The following BRF1 variants were observed in gnomAD, a reference collection of about 807,000 sequenced individuals.
BRF1 encodes transcription factor IIIB 90 kDa subunit.
A neutral mutation model predicts 81.7 loss-of-function variants in BRF1; 59 were observed. That is an observed-to-expected ratio of 0.72 (90% confidence interval 0.59 to 0.90). The LOEUF (loss-of-function observed/expected upper bound fraction) is 0.90, where lower values mean the gene tolerates loss of function less well. Ranked by LOEUF, BRF1 falls within the 40% of genes least tolerant of loss-of-function variation. BRF1 has a pLI of 0.00. For missense variants in BRF1, 1,050 were observed against 936.3 expected, an observed-to-expected ratio of 1.12 and a Z score of -1.58; for synonymous variants, 491 against 395.6, an observed-to-expected ratio of 1.24 and a Z score of -2.86.
intron 3 of BRF1, among the ~76,000 whole-genome samples, chr14:105,261,180 G>A (rs887552450): frequency 2.0e-5 from 3 of 152,236 alleles, no homozygotes; most frequent in Non-Finnish European, 2.9e-5. Context: ...ACGCTGTGCC[G>A]GGTGGTCTTC....
chr14:105,254,361 A>T (rs866770698), intron 4 of BRF1, among the ~76,000 whole-genome samples: 2 of 152,018 alleles, frequency 1.3e-5, no homozygotes, highest in Non-Finnish European at 2.9e-5. Context: ...GGTTCACGTC[A>T]TTCTCCTGCC....
Position 105,211,507 on chromosome 14 carries a change from G to C in BRF1, c.1825-214C>G. ...TGTCAGCATCAAGATCCCACCCTCAGGCCTCTGCCAGCCCCTGCTCCTGTA... is the reference window on the plus strand; with the variant it reads ...TGTCAGCATCAAGATCCCACCCTCACGCCTCTGCCAGCCCCTGCTCCTGTA... On this transcript the variant is annotated intron_variant, in intron 16 of 17. Coordinates refer to ENST00000547530, the MANE Select transcript of BRF1 (RefSeq NM_001519.4). The C allele has an allele frequency of 7.1e-6, 4 of 560,548 alleles. No homozygotes were observed. The South Asian group carries it at 9.4e-5, about 13-fold the overall frequency. The allele number at this position is 560,548 out of a possible 1,614,324, so 34.7% of individuals were successfully genotyped here.
At chr14:105,253,125 C>T (rs2055698198) in intron 4 of BRF1, among the ~76,000 whole-genome samples, 1 of 152,242 alleles carries the variant, frequency 6.6e-6, no homozygotes, top group African/African-American at 2.4e-5. Flanking sequence ...GGAGGTGAGG[C>T]CCAGACCGAG....
chr14:105,287,290 A>G (rs2057349714), intron 1 of BRF1, among the ~76,000 whole-genome samples: 1 of 152,206 alleles, frequency 6.6e-6, no homozygotes, highest in East Asian at 1.9e-4. Flanking sequence ...TCTCCCAATG[A>G]GCATGGTGGA....
upstream of BRF1, among the ~76,000 whole-genome samples, chr14:105,304,189 A>C (rs1403427112): frequency 6.6e-6 from 1 of 152,094 alleles, no homozygotes; most frequent in Non-Finnish European, 1.5e-5. Flanking sequence ...CAACGGTAAG[A>C]GGTTTAAAGG....
chr14:105,295,236 G>A (rs1269744457), intron 1 of BRF1, among the ~76,000 whole-genome samples: 1 of 150,456 alleles, frequency 6.6e-6, no homozygotes, highest in Non-Finnish European at 1.5e-5. Flanking sequence ...GGAGGCCAAG[G>A]TGGGAGGATG....
intron 3 of BRF1, among the ~76,000 whole-genome samples, chr14:105,262,527 C>T (rs928229243): frequency 1.3e-5 from 2 of 152,206 alleles, no homozygotes; most frequent in Non-Finnish European, 2.9e-5. Flanking sequence ...TGCAGTACAC[C>T]CTGAATAATC....
rs905315027 is a variant in BRF1, at chr14:105,300,374, C to A, written c.184+72G>T. 1.3e-4 allele frequency: 178 copies of A among 1,381,656 alleles called. 1 individual carries two copies. Among genetic ancestry groups the A allele is most frequent in the Non-Finnish European group, 3.2e-5 (34 of 1,066,566 alleles). 85.6% of individuals were successfully genotyped at this position (1,381,656 alleles called of 1,614,324 possible). ...GCGGTACCGAGGCGCTGGTCCCGGC[C>A]GCGCCGTCACCGCCTCCAGCCCGCC... is the stretch of plus-strand genomic sequence containing the variant. On this transcript the variant is annotated intron_variant, in intron 1 of 17. Transcript: ENST00000547530.
At chr14:105,220,941 T>C (rs1277817042) in intron 11 of BRF1, among the ~76,000 whole-genome samples, 1 of 152,212 alleles carries the variant, frequency 6.6e-6, no homozygotes, top group African/African-American at 2.4e-5. Context: ...CCTCTGCCTG[T>C]TGCTCTGTGT....
At chr14:105,242,361 T>A (rs758857382) in intron 5 of BRF1, 1 of 152,188 alleles carries the variant, frequency 6.6e-6, no homozygotes, top group African/African-American at 2.4e-5. Flanking sequence ...AAAAATTAGA[T>A]AATTTAAAAC....
chr14:105,314,988 C>T lies in BRF1; in HGVS notation c.-162+334G>A, dbSNP rs1011666716. On this transcript the variant is annotated intron_variant, in intron 1 of 17. Coordinates refer to the BRF1 transcript ENST00000327359. ...GCTCAACACGCCCGTGCCCATGAAC[C>T]TGTTCGCCACCTGGGAGGTGGACGG... 9.9e-5 allele frequency: 124 copies of T among 1,252,068 alleles called. No individual in the cohort carries two copies. The highest frequency in any genetic ancestry group is 1.2e-4 in the Non-Finnish European group (121 of 977,140). 77.6% of individuals were successfully genotyped at this position (1,252,068 alleles called of 1,614,324 possible).
chr14:105,211,802 G>T (rs1566791970), intron 16 of BRF1: 11 of 477,694 alleles, frequency 2.3e-5, no homozygotes, highest in Non-Finnish European at 4.2e-5. Context: ...CCTGTGACCT[G>T]GCAGTGCCTG....
At chr14:105,289,109 G>A (rs1027370140) in intron 1 of BRF1, among the ~76,000 whole-genome samples, 1 of 151,840 alleles carries the variant, frequency 6.6e-6, no homozygotes, top group Admixed American at 6.6e-5. Flanking sequence ...CACTTTGAGA[G>A]GCTGAGGCAG....
rs1890218854 is a variant in BRF1, at chr14:105,212,137, T to C, written c.1800A>G (p.Pro600=). ...CCTCTCCCGTGGCCACCTTCTTTGC[T>C]GGCTGCGTAGACACCAGAGGCCTCA... ...KRLRPLVSTQ[P]AKKVATGEAL... Residue 600 remains proline, a synonymous_variant, in exon 16 of 18, where the codon CCA becomes CCG. Coordinates refer to ENST00000547530, the MANE Select transcript of BRF1 (RefSeq NM_001519.4). 3 of 1,612,842 alleles carry C rather than the reference T, an allele frequency of 1.9e-6. No homozygotes were observed. The highest frequency in any genetic ancestry group is 2.5e-6 in the Non-Finnish European group (3 of 1,179,738).
intron 5 of BRF1, 136 bp downstream of exon 5, chr14:105,252,371 C>A: frequency 7.0e-7 from 1 of 1,426,276 alleles, no homozygotes; most frequent in Non-Finnish European, 9.1e-7. Flanking sequence ...GAGCTCCTAG[C>A]AGCTTTAAGA....
intron 5 of BRF1, chr14:105,250,427 T>G (rs1416593302): frequency 3.7e-6 from 6 of 1,613,858 alleles, no homozygotes; most frequent in Non-Finnish European, 5.1e-6. Flanking sequence ...CTTGACCAAG[T>G]TCATGTCAGA....
At chr14:105,252,373 G>A in intron 5 of BRF1, 134 bp downstream of exon 5, 2 of 1,430,774 alleles carry the variant, frequency 1.4e-6, no homozygotes, top group Admixed American at 3.0e-5. Context: ...GCTCCTAGCA[G>A]CTTTAAGAAA....
chr14:105,243,342 T>C (rs189245864), intron 5 of BRF1, among the ~76,000 whole-genome samples: 1 of 150,092 alleles, frequency 6.7e-6, no homozygotes, highest in East Asian at 2.0e-4. Context: ...CCCAGATACT[T>C]GAAAGGCTGA....
At chr14:105,304,168 G>C (rs115106510), upstream of BRF1, among the ~76,000 whole-genome samples, 1,204 of 152,314 alleles carry the variant, frequency 7.9e-3, 21 homozygotes, top group African/African-American at 0.028. Flanking sequence ...GGGTGGGGAA[G>C]ACCACACCCA....
Sources: allele counts gnomAD v4.1 joint callset (sites outside exome capture counted in the v4.1 genomes callset), GRCh38; gene constraint gnomAD v4.1.1; transcripts MANE v1.5; gene names NCBI Gene and HGNC (gene_info 2026-07-23, HGNC 2026-07-21).